Variants in NAALADL2 observed in about 807,000 individuals in gnomAD.
NAALADL2 encodes the protein N-acetylated alpha-linked acidic dipeptidase like 2, also known as inactive N-acetylated-alpha-linked acidic dipeptidase-like protein 2.
A neutral mutation model predicts 87.2 loss-of-function variants in NAALADL2; 76 were observed. That is an observed-to-expected ratio of 0.87 (90% CI 0.72 to 1.05). The LOEUF is 1.05. Ranked by LOEUF, NAALADL2 falls within the 50% of genes least tolerant of loss-of-function variation. The pLI, the probability that NAALADL2 is intolerant of heterozygous loss-of-function variation, is 0.00. For missense variants in NAALADL2, 1,089 were observed against 945.8 expected (o/e 1.15, Z -1.99); for synonymous variants, 354 against 331.0 (o/e 1.07, Z -0.75).
chr3:175,707,827 G>A (rs2149990304), intron 11 of NAALADL2, among the ~76,000 whole-genome samples: 1 of 152,102 alleles, frequency 6.6e-6, no homozygotes, highest in East Asian at 1.9e-4. Flanking sequence ...AAGTTTGTAA[G>A]ACATAAGGTA....
intron 12 of NAALADL2, among the ~76,000 whole-genome samples, chr3:175,749,116 G>GGAAGGGAGGGGAGGA (rs1374389330): frequency 9.7e-4 from 133 of 137,022 alleles, no homozygotes; most frequent in Middle Eastern, 3.6e-3. Context: ...GAAAGAAAGG[G>GGAAGGGAGGGGAGGA]GAAGGGAGGG....
At chr3:175,289,253 A>C (rs1755351948) in intron 4 of NAALADL2, among the ~76,000 whole-genome samples, 1 of 152,144 alleles carries the variant, frequency 6.6e-6, no homozygotes, top group African/African-American at 2.4e-5. Flanking sequence ...CATTCTATTA[A>C]GGTTTACGTG....
intron 1 of NAALADL2, among the ~76,000 whole-genome samples, chr3:174,989,211 T>C (rs1000194660): frequency 1.3e-5 from 2 of 152,064 alleles, no homozygotes; most frequent in Non-Finnish European, 2.9e-5. Context: ...GGGCCCCACC[T>C]CCAACACTGG....
At chr3:175,783,927 T>G (rs1751525626) in intron 13 of NAALADL2, among the ~76,000 whole-genome samples, 1 of 141,990 alleles carries the variant, frequency 7.0e-6, no homozygotes, top group Non-Finnish European at 1.5e-5. Context: ...TGTTGAATTT[T>G]GTCAAAGGCT....
intron 2 of NAALADL2, among the ~76,000 whole-genome samples, chr3:175,227,188 T>C (rs895664648): frequency 7.9e-5 from 12 of 152,052 alleles, no homozygotes; most frequent in Non-Finnish European, 1.5e-4. Flanking sequence ...CTCTTGGCAT[T>C]CAACCTGGTG....
At chr3:175,341,801 G>A (rs1322886898) in intron 5 of NAALADL2, among the ~76,000 whole-genome samples, 2 of 152,024 alleles carry the variant, frequency 1.3e-5, no homozygotes, top group Admixed American at 1.3e-4. Flanking sequence ...TAAGAGTTTT[G>A]TAGTTTTAGC....
At chr3:174,625,578 A>G (rs1280640079) in intron 2 of NAALADL2, among the ~76,000 whole-genome samples, 1 of 151,790 alleles carries the variant, frequency 6.6e-6, no homozygotes, top group Non-Finnish European at 1.5e-5. Context: ...TATTTAATAT[A>G]TTATAATTTT....
chr3:174,960,674 G>A (rs1741845169), intron 1 of NAALADL2, among the ~76,000 whole-genome samples: 1 of 151,992 alleles, frequency 6.6e-6, no homozygotes, highest in African/African-American at 2.4e-5. Flanking sequence ...CAAAATCTTT[G>A]ATGGTATTGA....
intron 4 of NAALADL2, among the ~76,000 whole-genome samples, chr3:175,270,658 G>C (rs185309686): frequency 7.2e-5 from 11 of 152,276 alleles, no homozygotes; most frequent in African/African-American, 2.4e-4. Context: ...ACTTGAAAAT[G>C]TTTATGAATA....
At chr3:174,840,521 A>C (rs1383111158) in intron 3 of NAALADL2, among the ~76,000 whole-genome samples, 1 of 152,158 alleles carries the variant, frequency 6.6e-6, no homozygotes, top group African/African-American at 2.4e-5. Context: ...TAAATATTTA[A>C]AGTCAAGTTT....
intron 2 of NAALADL2, among the ~76,000 whole-genome samples, chr3:175,210,927 A>G (rs1374793481): frequency 2.6e-5 from 4 of 151,896 alleles, no homozygotes; most frequent in African/African-American, 9.6e-5. Context: ...ATTAATTGAC[A>G]TTTTTCATAC....
chr3:174,525,367 G>A (rs1184679645), intron 1 of NAALADL2, among the ~76,000 whole-genome samples: 2 of 152,206 alleles, frequency 1.3e-5, no homozygotes, highest in African/African-American at 4.8e-5. Flanking sequence ...TACTTCTGGC[G>A]AGGCCTCAGG....
intron 2 of NAALADL2, among the ~76,000 whole-genome samples, chr3:175,225,584 A>G (rs1744040123): frequency 6.6e-6 from 1 of 152,094 alleles, no homozygotes. Flanking sequence ...TAAAGTAAAT[A>G]TGCTTATTTT....
rs1398396262 is a variant in NAALADL2, at chr3:175,698,483, T to TTTTTTATATATATATA, written c.1897-38822_1897-38821insTTTTATATATATATAT. Among the ~76,000 whole-genome samples, 12 of 67,772 alleles carry TTTTTTATATATATATA rather than the reference T, an allele frequency of 1.8e-4. 1 individual carries two copies. The highest frequency in any genetic ancestry group is 1.1e-3 in the African/African-American group (12 of 11,052). 44.5% of individuals were successfully genotyped at this position (67,772 alleles called of 152,430 possible). ...TGTGTATATATGTGTGTATATATATTTATATATATATATATATATAAAATC... is the reference window on the plus strand; with the variant it reads ...TGTGTATATATGTGTGTATATATATTTTTTTATATATATATATATATATATATATATATATAAAATC... On this transcript the variant is annotated intron_variant, in intron 11 of 13. Transcript: ENST00000454872.
At chr3:175,748,851 C>T (rs1388722888) in intron 12 of NAALADL2, among the ~76,000 whole-genome samples, 1 of 151,790 alleles carries the variant, frequency 6.6e-6, no homozygotes, top group East Asian at 1.9e-4. Context: ...ATATCTGTAA[C>T]CCCACCACTA....
chr3:175,361,990 T>C (rs1267711245), intron 5 of NAALADL2, among the ~76,000 whole-genome samples: 1 of 148,284 alleles, frequency 6.7e-6, no homozygotes, highest in African/African-American at 2.4e-5. Flanking sequence ...CTAGGGTTTT[T>C]ATGGTTTTAG....
chr3:175,664,307 C>G (rs1732668863), intron 11 of NAALADL2, among the ~76,000 whole-genome samples: 1 of 152,078 alleles, frequency 6.6e-6, no homozygotes. Context: ...TGGGAACCTT[C>G]TAGCTTTCTC....
intron 1 of NAALADL2, among the ~76,000 whole-genome samples, chr3:174,471,886 AAAATT>A (rs1445896615): frequency 2.0e-5 from 3 of 152,178 alleles, no homozygotes; most frequent in Non-Finnish European, 4.4e-5. Context: ...ATTTTAATAA[AAAATT>A]AAATTAAAAT....
At chr3:175,607,063 G>A (rs1161166289) in intron 10 of NAALADL2, among the ~76,000 whole-genome samples, 2 of 152,212 alleles carry the variant, frequency 1.3e-5, no homozygotes, top group Non-Finnish European at 2.9e-5. Context: ...AAATTACACA[G>A]AGAGAGTAAG....
Sources: allele counts gnomAD v4.1 joint callset (sites outside exome capture counted in the v4.1 genomes callset), GRCh38; gene constraint gnomAD v4.1.1; transcripts MANE v1.5; gene names NCBI Gene and HGNC (gene_info 2026-07-23, HGNC 2026-07-21).